Variants in ARIH1 observed in about 807,000 individuals in gnomAD.
ARIH1 encodes ariadne RBR E3 ubiquitin protein ligase 1.
ARIH1 carries 8 observed loss-of-function variants against 85.0 expected under a neutral mutation model. The ratio of observed to expected loss-of-function variants is 0.09; its 90% CI spans 0.06 to 0.17. The LOEUF (loss-of-function observed/expected upper bound fraction) is 0.17, where lower values mean the gene tolerates loss of function less well. Among genes scored for constraint, ARIH1 ranks in the 10% least tolerant of loss-of-function variants. The pLI, the probability that ARIH1 is intolerant of heterozygous loss-of-function variation, is 1.00. For synonymous variants in ARIH1, 238 were observed against 253.6 expected (o/e 0.94, Z 0.59); for missense variants, 311 against 718.1 (o/e 0.43, Z 6.48).
Position 72,493,941 on chromosome 15 carries a change from A to AT in ARIH1, c.375+18930dup, listed in dbSNP as rs374240666. Among the ~76,000 whole-genome samples the AT allele has an allele frequency of 3.2e-3, 487 of 152,294 alleles. 3 individuals carry two copies. The highest frequency in any genetic ancestry group is 0.011 in the African/African-American group (470 of 41,568). ...GGTTCAAATTCAAAAAGCACAAAAG[A>AT]TTTAAAAAAAACATATATATCTGCC... On this transcript the variant is annotated intron_variant, in intron 1 of 13. Transcript: ENST00000379887.
intron 1 of ARIH1, among the ~76,000 whole-genome samples, chr15:72,475,697 A>G (rs1481551358): frequency 6.6e-6 from 1 of 152,162 alleles, no homozygotes; most frequent in African/African-American, 2.4e-5. Context: ...AAGCTGTTGG[A>G]ATAGTTACTG....
intron 2 of ARIH1, among the ~76,000 whole-genome samples, chr15:72,535,165 A>G (rs2064076388): frequency 6.6e-6 from 1 of 150,618 alleles, no homozygotes; most frequent in Non-Finnish European, 1.5e-5. Flanking sequence ...GTTAGCCAGG[A>G]TGGTCTCGAA....
chr15:72,476,403 C>T (rs1293680553), intron 1 of ARIH1, among the ~76,000 whole-genome samples: 5 of 152,180 alleles, frequency 3.3e-5, no homozygotes, highest in Non-Finnish European at 5.9e-5. Flanking sequence ...CTTGCTTTGT[C>T]GCCCAGGCTG....
chr15:72,543,099 A>T (rs903526924), intron 2 of ARIH1, among the ~76,000 whole-genome samples: 2 of 151,166 alleles, frequency 1.3e-5, no homozygotes, highest in African/African-American at 4.9e-5. Context: ...CGCCCAGCTA[A>T]TTTTTTTGTA....
chr15:72,498,474 G>A (rs574459371), intron 1 of ARIH1, among the ~76,000 whole-genome samples: 1 of 152,140 alleles, frequency 6.6e-6, no homozygotes, highest in South Asian at 2.1e-4. Flanking sequence ...TGTAAAGAAG[G>A]CTGAGTGTTT....
At chr15:72,556,030 G>T in intron 5 of ARIH1, 123 bp downstream of exon 5, 1 of 762,040 alleles carries the variant, frequency 1.3e-6, no homozygotes, top group Non-Finnish European at 2.1e-6. Flanking sequence ...TTTAATCTGC[G>T]TTCCTTAGTA....
At chr15:72,497,328 C>T (rs2063884039) in intron 1 of ARIH1, among the ~76,000 whole-genome samples, 2 of 152,102 alleles carry the variant, frequency 1.3e-5, no homozygotes, top group Non-Finnish European at 2.9e-5. Context: ...TAATCTAAAT[C>T]TTCCTGTTAT....
intron 1 of ARIH1, among the ~76,000 whole-genome samples, chr15:72,488,910 C>T (rs2063847854): frequency 6.6e-6 from 1 of 152,108 alleles, no homozygotes; most frequent in Admixed American, 6.6e-5. Flanking sequence ...GTATAGTTCC[C>T]TGGCGCTGGG....
In ARIH1 at chr15:72,582,561, C is replaced by G. The variant is rs984655288; in HGVS notation, c.1589+374C>G. ...GCTATTCACAAATGAGCTATGGAAA[C>G]TTACTTTTTAGAGTTTTTATTACAT... On this transcript the variant is annotated intron_variant, in intron 13 of 13. Coordinates refer to ENST00000379887, the MANE Select transcript of ARIH1 (RefSeq NM_005744.5). The surrounding 1 kb of genome is among the most constrained non-coding windows in gnomAD (Gnocchi z 4.6). Among the ~76,000 whole-genome samples the G allele has an allele frequency of 4.0e-5, 6 of 151,676 alleles. No individual in the cohort carries two copies. The highest frequency in any genetic ancestry group is 8.8e-5 in the Non-Finnish European group (6 of 67,956).
chr15:72,571,296 ATTC>A (rs903336353), intron 10 of ARIH1, among the ~76,000 whole-genome samples: 2 of 152,194 alleles, frequency 1.3e-5, no homozygotes, highest in Non-Finnish European at 1.5e-5. Context: ...TGTAAATTTT[ATTC>A]TTCATCTTCT....
chr15:72,567,030 T>C, intron 8 of ARIH1, 76 bp from the exon 9 acceptor site: 1 of 1,081,224 alleles, frequency 9.2e-7, no homozygotes, highest in Non-Finnish European at 1.4e-6. Flanking sequence ...TAAGCTTGAC[T>C]ATAGTTAAGT....
intron 2 of ARIH1, among the ~76,000 whole-genome samples, chr15:72,532,160 G>T (rs527579789): frequency 6.7e-6 from 1 of 148,608 alleles, no homozygotes. Context: ...TCAAGAAGCC[G>T]TAAGATTTTT....
intron 2 of ARIH1, among the ~76,000 whole-genome samples, chr15:72,529,530 T>G (rs2140416765): frequency 1.3e-5 from 2 of 152,340 alleles, no homozygotes; most frequent in Admixed American, 1.3e-4. Flanking sequence ...ATCAGCTATG[T>G]TTAAGACATT....
At chr15:72,491,806 A>C (rs1024989682) in intron 1 of ARIH1, among the ~76,000 whole-genome samples, 2 of 152,214 alleles carry the variant, frequency 1.3e-5, no homozygotes, top group Admixed American at 1.3e-4. Context: ...TAGAGGAATT[A>C]AATAACCAGC....
At chr15:72,508,490 A>T (rs2063935578) in intron 1 of ARIH1, among the ~76,000 whole-genome samples, 1 of 152,222 alleles carries the variant, frequency 6.6e-6, no homozygotes, top group African/African-American at 2.4e-5. Context: ...AAATCCTACT[A>T]GCCTATTTTA....
intron 3 of ARIH1, among the ~76,000 whole-genome samples, chr15:72,550,280 T>C (rs1320640395): frequency 1.3e-5 from 2 of 152,224 alleles, no homozygotes; most frequent in East Asian, 1.9e-4. Flanking sequence ...ATTTATGAAC[T>C]ATCTTTTTAT....
chr15:72,555,404 C>T, intron 4 of ARIH1, 41 bp downstream of exon 4: 1 of 1,463,862 alleles, frequency 6.8e-7, no homozygotes, highest in African/African-American at 1.4e-5. Flanking sequence ...GTTGAATTTC[C>T]TATAGTGTTA....
intron 1 of ARIH1, among the ~76,000 whole-genome samples, chr15:72,484,102 G>T (rs2063827203): frequency 6.7e-6 from 1 of 149,768 alleles, no homozygotes; most frequent in African/African-American, 2.5e-5. Context: ...GAACCCAGGA[G>T]ACAGAGGTTG....
At position 72,518,215 on chromosome 15, in the gene ARIH1, GGAATTGATGAATATACCAGTAT is replaced by G. The variant is rs918906251; in HGVS notation, c.443+83_443+104del. The stretch of plus-strand genomic sequence containing the variant: ...ACCGAATTTACAAGAATCAAGTAAG[GGAATTGATGAATATACCAGTAT>G]GTGGACAACCCAGTGTGCAACTAGT... On this transcript the variant is annotated intron_variant, in intron 2 of 13. Transcript: ENST00000379887. 1.4e-5 allele frequency: 17 copies of G among 1,198,122 alleles called. No individual in the cohort carries two copies. In the Admixed American group the frequency reaches 2.9e-4, roughly 21 times the overall value. The allele number at this position is 1,198,122 out of a possible 1,614,324, so 74.2% of individuals were successfully genotyped here.
Sources: gnomAD v4.1 joint callset for allele counts (sites outside exome capture counted in the v4.1 genomes callset) on GRCh38, gnomAD v4.1.1 for gene constraint, Gnocchi (gnomAD v3.1) non-coding constraint, MANE v1.5 for transcripts, NCBI Gene and HGNC (gene_info 2026-07-23, HGNC 2026-07-21) for gene names.